Variants in PCSK6 observed in about 807,000 individuals in gnomAD.
PCSK6 encodes the protein proprotein convertase subtilisin/kexin type 6, also known as paired basic amino acid cleaving enzyme 4.
PCSK6 carries 85 observed loss-of-function variants against 123.3 expected under a neutral mutation model. That is an observed-to-expected ratio of 0.69 (90% CI 0.58 to 0.83). The LOEUF is 0.83. Among genes scored for constraint, PCSK6 ranks in the 40% least tolerant of loss-of-function variants. The probability of loss-of-function intolerance (pLI) is 0.00; values close to 1 mark genes in which losing one functional copy is unlikely to be tolerated. For missense variants in PCSK6, 1,191 were observed against 1,282.3 expected (o/e 0.93, Z 1.09); for synonymous variants, 508 against 516.0 (o/e 0.98, Z 0.21).
At chr15:101,327,825 G>C (rs1357160468) in intron 15 of PCSK6, among the ~76,000 whole-genome samples, 1 of 152,100 alleles carries the variant, frequency 6.6e-6, no homozygotes, top group Non-Finnish European at 1.5e-5. Context: ...TTTCACTGGG[G>C]GGGCTTTGCG....
rs148266556 is a variant in PCSK6, at chr15:101,356,801, G to A, written c.1858+9395C>T. Among the ~76,000 whole-genome samples the A allele has an allele frequency of 1.1e-3, 164 of 152,290 alleles. 1 individual carries two copies. Among genetic ancestry groups the A allele is most frequent in the African/African-American group, 3.6e-3 (151 of 41,564 alleles). The stretch of plus-strand genomic sequence containing the variant: ...AGACTGCAAAGCAGGATTCACACTC[G>A]ATTCCATTCCTAAATTGCCTCCTGG... On this transcript the variant is annotated intron_variant, in intron 13 of 21. Transcript: ENST00000611716.
chr15:101,434,097 G>A (rs573680354), intron 2 of PCSK6, among the ~76,000 whole-genome samples: 7 of 152,300 alleles, frequency 4.6e-5, no homozygotes, highest in South Asian at 4.2e-4. Context: ...TCCTAACACC[G>A]GCTGATGGCA....
chr15:101,419,031 T>C (rs1470186671), intron 6 of PCSK6, among the ~76,000 whole-genome samples: 1 of 152,186 alleles, frequency 6.6e-6, no homozygotes. Context: ...GAAGTATTCC[T>C]GTATAAGTCA....
Position 101,322,509 on chromosome 15 carries a change from G to C in PCSK6, c.2465+11C>G, listed in dbSNP as rs1162724461. 1 of 1,594,084 alleles carries C rather than the reference G, an allele frequency of 6.3e-7. No homozygotes were observed. The highest frequency in any genetic ancestry group is 1.1e-5 in the South Asian group (1 of 90,454). ...CGCCCTGACATTCCTCAGGTTTCGA[G>C]GGGGTTTTACCTGAATCCTTCTTTA... On this transcript the variant is annotated intron_variant, in intron 18 of 21. Transcript: ENST00000611716.
chr15:101,360,976 C>T (rs2041203571), intron 13 of PCSK6, among the ~76,000 whole-genome samples: 5 of 152,178 alleles, frequency 3.3e-5, no homozygotes, highest in Non-Finnish European at 7.3e-5. Context: ...GTAAGCTTAG[C>T]ATCTGTTTTG....
intron 1 of PCSK6, among the ~76,000 whole-genome samples, chr15:101,457,242 T>C (rs1253653857): frequency 6.6e-6 from 1 of 152,198 alleles, no homozygotes; most frequent in Non-Finnish European, 1.5e-5. Context: ...GTCTTGGGCC[T>C]TGGAGCCAAG....
chr15:101,435,256 A>T (rs1467929323), intron 2 of PCSK6, among the ~76,000 whole-genome samples: 12 of 152,034 alleles, frequency 7.9e-5, no homozygotes, highest in Non-Finnish European at 1.3e-4. Flanking sequence ...GGTTGCAGTG[A>T]GCAGAGATTG....
Position 101,370,455 on chromosome 15 carries a change from T to C in PCSK6, c.1601A>G (p.Gln534Arg), listed in dbSNP as rs755371990. 3.6e-5 allele frequency: 56 copies of C among 1,550,832 alleles called. No homozygotes were observed. In the South Asian group the frequency reaches 6.6e-4, roughly 18 times the overall value. ...CACGTGCTCCAAGTAGACCACCCGCTGGTCCGAGTGCTCCGCGCAGGCGCT... is the reference window on the plus strand; with the variant it reads ...CACGTGCTCCAAGTAGACCACCCGCCGGTCCGAGTGCTCCGCGCAGGCGCT... ...LTSACAEHSD[Q>R]RVVYLEHVVV... is the part of the protein sequence containing the mutation. The change falls in exon 12 of 22, where the codon CAG (glutamine) becomes CGG (arginine). Residue 534 changes from glutamine to arginine, a missense_variant. Gln to Arg is a conservative substitution (Grantham distance 43, BLOSUM62 1). Around this residue, in one of 3 missense-constraint regions of PCSK6, gnomAD observed 630 missense variants for 631.4 expected, o/e 1.00. Transcript: ENST00000611716.
At chr15:101,417,467 A>G (rs1322211186) in intron 6 of PCSK6, among the ~76,000 whole-genome samples, 1 of 152,238 alleles carries the variant, frequency 6.6e-6, no homozygotes, top group Non-Finnish European at 1.5e-5. Flanking sequence ...AAACTTAAAA[A>G]TTAACAACAA....
chr15:101,488,065 C>G lies in PCSK6; in HGVS notation c.297+1309G>C, dbSNP rs116924751. ...ATTCGAATGGTGGAATCCACCCCTC[C>G]AGCCACACACCTAATAGTACATCAA... is the stretch of plus-strand genomic sequence containing the variant. On this transcript the variant is annotated intron_variant, in intron 1 of 21. Coordinates refer to ENST00000611716, the MANE Select transcript of PCSK6 (RefSeq NM_002570.5). 1.8e-4 allele frequency among the ~76,000 whole-genome samples: 27 copies of G among 152,314 alleles called. No homozygotes were observed. The East Asian group carries it at 5.2e-3, about 29-fold the overall frequency.
At chr15:101,488,540 G>A (rs1355119592) in intron 1 of PCSK6, among the ~76,000 whole-genome samples, 1 of 152,156 alleles carries the variant, frequency 6.6e-6, no homozygotes, top group Non-Finnish European at 1.5e-5. Flanking sequence ...TCAGGCCCCG[G>A]TCCAGGCTCT....
intron 1 of PCSK6, among the ~76,000 whole-genome samples, chr15:101,474,233 C>T (rs554525309): frequency 7.9e-5 from 12 of 152,262 alleles, no homozygotes; most frequent in South Asian, 6.2e-4. Flanking sequence ...AATTCAATGG[C>T]GGCCAAAAAT....
At chr15:101,411,477 C>A (rs1344874361) in intron 6 of PCSK6, among the ~76,000 whole-genome samples, 1 of 152,176 alleles carries the variant, frequency 6.6e-6, no homozygotes, top group Non-Finnish European at 1.5e-5. Flanking sequence ...AAGACCCCTG[C>A]CGTCAGACCA....
At chr15:101,410,038 T>C (rs891388724) in intron 6 of PCSK6, among the ~76,000 whole-genome samples, 2 of 152,224 alleles carry the variant, frequency 1.3e-5, no homozygotes, top group African/African-American at 4.8e-5. Context: ...GCTTAAGAGA[T>C]CTTCCTGCCT....
chr15:101,347,548 T>C lies in PCSK6; in HGVS notation c.1859-15517A>G. ...AAGCTCTTGATTTAAACAAGGTTCA[T>C]GCTTGCACGCACACGCATTCATGCA... On this transcript the variant is annotated intron_variant, in intron 13 of 21. Transcript: ENST00000611716. 7 of 1,396,332 alleles carry C rather than the reference T, an allele frequency of 5.0e-6. No homozygotes were observed. In the South Asian group the frequency reaches 5.3e-5, roughly 11 times the overall value. The allele number at this position is 1,396,332 out of a possible 1,614,324, so 86.5% of individuals were successfully genotyped here.
chr15:101,409,931 TTTTG>T (rs548713698), intron 6 of PCSK6, among the ~76,000 whole-genome samples: 4 of 152,114 alleles, frequency 2.6e-5, no homozygotes, highest in East Asian at 3.9e-4. Flanking sequence ...CTTCACACTT[TTTTG>T]TTTGTTTGTT....
intron 20 of PCSK6, among the ~76,000 whole-genome samples, chr15:101,310,291 T>C (rs946180627): frequency 6.6e-6 from 1 of 152,194 alleles, no homozygotes; most frequent in Non-Finnish European, 1.5e-5. Flanking sequence ...CCCAGGAAAC[T>C]CCTGTCCTCC....
intron 20 of PCSK6, chr15:101,308,520 G>C (rs2039775906): frequency 6.6e-6 from 1 of 152,276 alleles, no homozygotes. Context: ...GTGGGAGGTG[G>C]GTTTTATTCC....
intron 13 of PCSK6, among the ~76,000 whole-genome samples, chr15:101,343,583 GT>G (rs1218834397): frequency 1.3e-5 from 2 of 151,888 alleles, no homozygotes; most frequent in East Asian, 1.9e-4. Flanking sequence ...TATAAATTAT[GT>G]TTTTTTCTTT....
Sources: gnomAD v4.1 joint callset for allele counts (sites outside exome capture counted in the v4.1 genomes callset) on GRCh38, gnomAD v4.1.1 for gene constraint, gnomAD v4.1.1 regional missense constraint, MANE v1.5 for transcripts, NCBI Gene and HGNC (gene_info 2026-07-23, HGNC 2026-07-21) for gene names.